Variants in MALRD1 observed in about 807,000 individuals in gnomAD.
The protein encoded by MALRD1 is MAM and LDL receptor class A domain containing 1, also known as MAM and LDL-receptor class A domain-containing protein 1.
MALRD1 carries 247 observed loss-of-function variants against 242.1 expected under a neutral mutation model. The ratio of observed to expected loss-of-function variants is 1.02; its 90% confidence interval spans 0.92 to 1.13. MALRD1 has a LOEUF of 1.13. MALRD1 is among the 50% of genes most tolerant of loss of function. The pLI is 0.00. For missense variants in MALRD1, 2,989 were observed against 2,533.1 expected (o/e 1.18, Z -3.86); for synonymous variants, 995 against 866.6 (o/e 1.15, Z -2.60).
chr10:19,700,061 C>T (rs1264358608), intron 38 of MALRD1, among the ~76,000 whole-genome samples: 3 of 144,948 alleles, frequency 2.1e-5, no homozygotes, highest in Non-Finnish European at 3.0e-5. Context: ...CACACACACA[C>T]GAAATCATTA....
chr10:19,491,667 A>G lies in MALRD1; in HGVS notation c.5158+22A>G, dbSNP rs371184824. On this transcript the variant is annotated intron_variant, in intron 30 of 39. Transcript: ENST00000454679. ...TGTGGTAAGTTTATCTATCTGCTGT[A>G]TGGCAGCCAGTTCAGCAGATATTTT... The G allele has an allele frequency of 1.5e-5, 23 of 1,543,730 alleles. No homozygotes were observed. In the African/African-American group the frequency reaches 1.9e-4, roughly 13 times the overall value.
intron 18 of MALRD1, among the ~76,000 whole-genome samples, chr10:19,240,271 A>G (rs1029142271): frequency 6.6e-6 from 1 of 151,906 alleles, no homozygotes; most frequent in Non-Finnish European, 1.5e-5. Context: ...TTTCTTGATG[A>G]CTTTTTCAGA....
At chr10:19,515,081 CAA>C (rs199895436) in intron 31 of MALRD1, among the ~76,000 whole-genome samples, 2 of 144,358 alleles carry the variant, frequency 1.4e-5, no homozygotes, top group African/African-American at 5.0e-5. Flanking sequence ...TGCTTTAGGA[CAA>C]AAAAAAAAAT....
intron 20 of MALRD1, among the ~76,000 whole-genome samples, chr10:19,282,586 A>C (rs1227600282): frequency 6.6e-6 from 1 of 152,188 alleles, no homozygotes; most frequent in Non-Finnish European, 1.5e-5. Flanking sequence ...CTTTATAGGA[A>C]ACAGGTCCAA....
chr10:19,633,161 G>A (rs973724734), intron 36 of MALRD1, among the ~76,000 whole-genome samples: 1 of 152,126 alleles, frequency 6.6e-6, no homozygotes, highest in African/African-American at 2.4e-5. Flanking sequence ...AATCTGGGAG[G>A]TGGAGGTTAC....
chr10:19,072,266 T>C (rs1391792931), intron 2 of MALRD1, among the ~76,000 whole-genome samples: 4 of 152,120 alleles, frequency 2.6e-5, no homozygotes, highest in Non-Finnish European at 4.4e-5. Flanking sequence ...GCAAATATTT[T>C]AGGCTTTTTG....
chr10:19,644,641 T>C (rs988454695), intron 36 of MALRD1, among the ~76,000 whole-genome samples: 3 of 152,212 alleles, frequency 2.0e-5, no homozygotes, highest in Non-Finnish European at 4.4e-5. Context: ...AAAAATGTGT[T>C]AGTAGATAAT....
intron 14 of MALRD1, among the ~76,000 whole-genome samples, chr10:19,199,756 G>A (rs949880111): frequency 8.6e-5 from 13 of 151,812 alleles, no homozygotes; most frequent in East Asian, 3.9e-4. Flanking sequence ...AGCTGAGATC[G>A]CACCACTGCA....
intron 24 of MALRD1, among the ~76,000 whole-genome samples, chr10:19,344,044 A>G (rs879908229): frequency 3.9e-5 from 6 of 152,088 alleles, no homozygotes; most frequent in Non-Finnish European, 5.9e-5. Flanking sequence ...TTCTTTACAC[A>G]TTATGGGTAT....
chr10:19,369,060 ATATT>A (rs1344415030), intron 26 of MALRD1, among the ~76,000 whole-genome samples: 7 of 147,836 alleles, frequency 4.7e-5, no homozygotes, highest in Non-Finnish European at 8.9e-5. Flanking sequence ...CCAGAGGAAT[ATATT>A]TATTATTCCT....
At chr10:19,218,226 G>A (rs1837407456) in intron 18 of MALRD1, among the ~76,000 whole-genome samples, 1 of 152,148 alleles carries the variant, frequency 6.6e-6, no homozygotes, top group African/African-American at 2.4e-5. Context: ...TTCACATTTA[G>A]TATCTAATAA....
intron 14 of MALRD1, among the ~76,000 whole-genome samples, chr10:19,180,782 A>G (rs1835469521): frequency 6.6e-6 from 1 of 152,200 alleles, no homozygotes; most frequent in Non-Finnish European, 1.5e-5. Context: ...TAAAATAGCA[A>G]CCTGCATATC....
intron 38 of MALRD1, among the ~76,000 whole-genome samples, chr10:19,703,591 T>G (rs1191431754): frequency 6.6e-6 from 1 of 152,122 alleles, no homozygotes; most frequent in East Asian, 1.9e-4. Flanking sequence ...TATCTGTAAA[T>G]CAAGATTAAA....
chr10:19,283,281 TA>T, intron 21 of MALRD1, 100 bp downstream of exon 21: 1 of 965,778 alleles, frequency 1.0e-6, no homozygotes, highest in Non-Finnish European at 1.4e-6. Flanking sequence ...AATGCTACTG[TA>T]AAGACAAATG....
intron 22 of MALRD1, among the ~76,000 whole-genome samples, chr10:19,325,006 C>CTTTTTT (rs34290618): frequency 2.5e-3 from 194 of 77,946 alleles, no homozygotes; most frequent in Non-Finnish European, 2.9e-3. Flanking sequence ...TCAGTAGTTG[C>CTTTTTT]TTTTTTTTTT....
intron 18 of MALRD1, among the ~76,000 whole-genome samples, chr10:19,245,227 T>C (rs1199070675): frequency 6.6e-6 from 1 of 152,182 alleles, no homozygotes; most frequent in East Asian, 1.9e-4. Context: ...TTAACTATAA[T>C]CTAGGTAACG....
At chr10:19,532,574 T>C (rs564563286) in intron 32 of MALRD1, among the ~76,000 whole-genome samples, 6 of 152,172 alleles carry the variant, frequency 3.9e-5, no homozygotes, top group African/African-American at 1.4e-4. Flanking sequence ...ATGATATCTA[T>C]TACACAGTTT....
intron 19 of MALRD1, among the ~76,000 whole-genome samples, chr10:19,278,423 A>G (rs1389624059): frequency 6.6e-6 from 1 of 151,576 alleles, no homozygotes; most frequent in Non-Finnish European, 1.5e-5. Flanking sequence ...TCATTCATCC[A>G]CTCTGGTATT....
At chr10:19,297,718 A>C (rs1841773427) in intron 21 of MALRD1, among the ~76,000 whole-genome samples, 1 of 151,942 alleles carries the variant, frequency 6.6e-6, no homozygotes, top group Admixed American at 6.6e-5. Flanking sequence ...GGGGATGCAA[A>C]GATCTTTAAA....
Sources: gnomAD v4.1 joint callset for allele counts (sites outside exome capture counted in the v4.1 genomes callset) on GRCh38, gnomAD v4.1.1 for gene constraint, MANE v1.5 for transcripts, NCBI Gene and HGNC (gene_info 2026-07-23, HGNC 2026-07-21) for gene names.